The following RBFOX1 variants were observed in gnomAD, a reference collection of about 807,000 sequenced individuals.
The protein encoded by RBFOX1 is RNA binding protein fox-1 homolog 1.
In RBFOX1, 8 loss-of-function variants were observed where a neutral mutation model predicts 57.7. That is an observed-to-expected ratio of 0.14 (90% CI 0.08 to 0.25). The LOEUF is 0.25. Ranked by LOEUF, RBFOX1 falls within the 10% of genes least tolerant of loss-of-function variation. The pLI is 1.00. For missense variants in RBFOX1, 611 were observed against 548.5 expected, an observed-to-expected ratio of 1.11 and a Z score of -1.14; for synonymous variants, 326 against 222.4, an observed-to-expected ratio of 1.47 and a Z score of -4.15.
At chr16:5,870,480 G>C (rs1489573489) in intron 4 of RBFOX1, among the ~76,000 whole-genome samples, 1 of 151,940 alleles carries the variant, frequency 6.6e-6, no homozygotes, top group Admixed American at 6.6e-5. Context: ...TGGTCATGGT[G>C]GGGGTAAGTG....
chr16:6,911,592 C>T (rs749745102), intron 3 of RBFOX1, among the ~76,000 whole-genome samples: 22 of 152,168 alleles, frequency 1.4e-4, no homozygotes, highest in Non-Finnish European at 2.8e-4. Flanking sequence ...TTTGTTACCT[C>T]TGTAAAGACC....
At chr16:5,785,195 T>C (rs532473298) in intron 3 of RBFOX1, among the ~76,000 whole-genome samples, 3 of 152,342 alleles carry the variant, frequency 2.0e-5, no homozygotes, top group Admixed American at 6.5e-5. Flanking sequence ...GTGGTATCTC[T>C]TTCCCCTGTT....
intron 13 of RBFOX1, among the ~76,000 whole-genome samples, chr16:7,675,346 G>C (rs2072953543): frequency 6.6e-6 from 1 of 151,974 alleles, no homozygotes; most frequent in African/African-American, 2.4e-5. Flanking sequence ...TGGAACACCA[G>C]GTGGCATCTG....
intron 1 of RBFOX1, among the ~76,000 whole-genome samples, chr16:6,067,666 T>C (rs911205465): frequency 9.2e-5 from 14 of 152,206 alleles, no homozygotes; most frequent in African/African-American, 3.4e-4. Flanking sequence ...ATAGAAGGAA[T>C]TATCTGCAAA....
intron 2 of RBFOX1, among the ~76,000 whole-genome samples, chr16:6,579,640 C>A (rs1330701857): frequency 6.6e-6 from 1 of 152,222 alleles, no homozygotes; most frequent in Non-Finnish European, 1.5e-5. Flanking sequence ...TGTTCTGAGG[C>A]TTCCCAAGCC....
intron 3 of RBFOX1, among the ~76,000 whole-genome samples, chr16:6,865,700 A>T (rs2059797495): frequency 6.6e-6 from 1 of 152,170 alleles, no homozygotes; most frequent in African/African-American, 2.4e-5. Context: ...AGTTCATTTT[A>T]CCTTCTCATT....
At chr16:6,001,953 C>G (rs1008331308) in intron 4 of RBFOX1, among the ~76,000 whole-genome samples, 5 of 149,578 alleles carry the variant, frequency 3.3e-5, no homozygotes, top group African/African-American at 1.2e-4. Flanking sequence ...CATGAATAAT[C>G]TATAGCTCTT....
At chr16:7,296,557 C>G (rs1407999644) in intron 4 of RBFOX1, among the ~76,000 whole-genome samples, 3 of 152,148 alleles carry the variant, frequency 2.0e-5, no homozygotes, top group Non-Finnish European at 2.9e-5. Flanking sequence ...ATGGTTAGCT[C>G]ACATGCTCAT....
chr16:7,159,908 C>A (rs2077941376), intron 4 of RBFOX1, among the ~76,000 whole-genome samples: 1 of 152,158 alleles, frequency 6.6e-6, no homozygotes, highest in African/African-American at 2.4e-5. Context: ...AATATAGGCA[C>A]CAGATGATTG....
intron 2 of RBFOX1, among the ~76,000 whole-genome samples, chr16:6,368,140 G>T (rs978514811): frequency 1.3e-5 from 2 of 152,038 alleles, no homozygotes; most frequent in Non-Finnish European, 2.9e-5. Context: ...ACATTCATTG[G>T]CTGTTTTTCT....
At chr16:6,393,618 C>G (rs191270230) in intron 2 of RBFOX1, among the ~76,000 whole-genome samples, 3 of 152,326 alleles carry the variant, frequency 2.0e-5, no homozygotes, top group Non-Finnish European at 2.9e-5. Context: ...TGAGAATTCA[C>G]TGCTGTTGCT....
At chr16:6,291,626 A>G (rs182869038) in intron 1 of RBFOX1, among the ~76,000 whole-genome samples, 2 of 152,192 alleles carry the variant, frequency 1.3e-5, no homozygotes, top group Admixed American at 6.5e-5. Context: ...AGGCAAATGC[A>G]TATCCAATGG....
rs371332634 is a variant in RBFOX1, at chr16:7,234,318, T to C, written c.27+182220T>C. 3.0e-4 allele frequency among the ~76,000 whole-genome samples: 45 copies of C among 152,238 alleles called. No individual in the cohort carries two copies. The East Asian group carries it at 3.1e-3, about 10-fold the overall frequency. ...TGGTTTATCTTCCAGTGGGTTGGTG[T>C]TGTGTATAATACAGTGAGTTGAGAT... On this transcript the variant is annotated intron_variant, in intron 4 of 15. Coordinates refer to ENST00000550418, the MANE Select transcript of RBFOX1 (RefSeq NM_018723.4).
intron 2 of RBFOX1, among the ~76,000 whole-genome samples, chr16:6,367,763 A>AAAAT (rs58327743): frequency 2.6e-5 from 4 of 151,256 alleles, no homozygotes; most frequent in African/African-American, 4.9e-5. Flanking sequence ...AAAAAAAAAA[A>AAAAT]TAGGGAAAAT....
At chr16:6,798,799 A>G (rs1474152209) in intron 3 of RBFOX1, among the ~76,000 whole-genome samples, 1 of 152,204 alleles carries the variant, frequency 6.6e-6, no homozygotes, top group Non-Finnish European at 1.5e-5. Flanking sequence ...ACCATAGTTT[A>G]TTGAGCATCT....
chr16:6,166,858 C>A (rs796666119), intron 1 of RBFOX1, among the ~76,000 whole-genome samples: 1 of 152,108 alleles, frequency 6.6e-6, no homozygotes, highest in South Asian at 2.1e-4. Context: ...ACTGCAACCT[C>A]CACCTCCCGG....
At chr16:6,979,058 A>G (rs186667892) in intron 3 of RBFOX1, among the ~76,000 whole-genome samples, 1 of 152,356 alleles carries the variant, frequency 6.6e-6, no homozygotes, top group Non-Finnish European at 1.5e-5. Context: ...TATGAAAGCT[A>G]GAGAGAATCT....
At chr16:6,367,855 A>G (rs1338128513) in intron 2 of RBFOX1, among the ~76,000 whole-genome samples, 1 of 152,106 alleles carries the variant, frequency 6.6e-6, no homozygotes, top group Non-Finnish European at 1.5e-5. Flanking sequence ...ATCTTCCCCC[A>G]GTTAATGGGG....
At chr16:6,949,620 C>G (rs185033205) in intron 3 of RBFOX1, among the ~76,000 whole-genome samples, 1 of 152,084 alleles carries the variant, frequency 6.6e-6, no homozygotes, top group African/African-American at 2.4e-5. Flanking sequence ...ATCTCTTTCT[C>G]TTTTTCTAAA....
Sources: allele counts gnomAD v4.1 joint callset (sites outside exome capture counted in the v4.1 genomes callset), GRCh38; gene constraint gnomAD v4.1.1; transcripts MANE v1.5; gene names NCBI Gene and HGNC (gene_info 2026-07-23, HGNC 2026-07-21).